Variants in UNC5D observed in about 807,000 individuals in gnomAD.
The protein encoded by UNC5D is netrin receptor UNC5D.
UNC5D carries 39 observed loss-of-function variants against 105.4 expected under a neutral mutation model. That is an observed-to-expected ratio of 0.37 (90% CI 0.29 to 0.48). The LOEUF is 0.48. Ranked by LOEUF, UNC5D falls within the 20% of genes least tolerant of loss-of-function variation. The pLI is 0.98. For synonymous variants in UNC5D, 452 were observed against 450.4 expected, an observed-to-expected ratio of 1.00 and a Z score of -0.04; for missense variants, 991 against 1,202.4, an observed-to-expected ratio of 0.82 and a Z score of 2.60.
chr8:35,456,340 A>G (rs758101260), intron 1 of UNC5D, among the ~76,000 whole-genome samples: 7 of 152,126 alleles, frequency 4.6e-5, no homozygotes, highest in Admixed American at 1.3e-4. Flanking sequence ...AGAATTTCTG[A>G]TAGGTTAGGA....
intron 2 of UNC5D, among the ~76,000 whole-genome samples, chr8:35,563,654 T>C (rs1055459625): frequency 6.6e-6 from 1 of 152,154 alleles, no homozygotes; most frequent in Non-Finnish European, 1.5e-5. Context: ...CAGTACTATG[T>C]TGAATGAAAA....
chr8:35,544,836 C>G (rs1815533988), intron 1 of UNC5D, among the ~76,000 whole-genome samples: 1 of 152,110 alleles, frequency 6.6e-6, no homozygotes, highest in Non-Finnish European at 1.5e-5. Flanking sequence ...CTCCTGACCT[C>G]AGGTGATCTG....
intron 4 of UNC5D, among the ~76,000 whole-genome samples, chr8:35,647,023 TCAAA>T (rs1332830752): frequency 6.6e-6 from 1 of 152,148 alleles, no homozygotes; most frequent in East Asian, 1.9e-4. Context: ...AGCATTGAGT[TCAAA>T]CACTTATTCC....
intron 1 of UNC5D, among the ~76,000 whole-genome samples, chr8:35,455,513 A>T (rs1270762145): frequency 3.9e-5 from 6 of 152,048 alleles, no homozygotes; most frequent in Non-Finnish European, 8.8e-5. Context: ...TCCTGATCTC[A>T]GGTGATCCGT....
At chr8:35,765,630 A>G (rs773176301) in intron 14 of UNC5D, among the ~76,000 whole-genome samples, 3 of 152,172 alleles carry the variant, frequency 2.0e-5, no homozygotes, top group Non-Finnish European at 4.4e-5. Context: ...GAGGCTTTCT[A>G]TAGAGAAAAT....
intron 1 of UNC5D, among the ~76,000 whole-genome samples, chr8:35,398,219 C>T (rs934581031): frequency 2.6e-5 from 4 of 152,160 alleles, no homozygotes; most frequent in Admixed American, 6.5e-5. Flanking sequence ...CAACTGTAAC[C>T]TGGGAATTTC....
intron 1 of UNC5D, among the ~76,000 whole-genome samples, chr8:35,402,520 G>A (rs1038239607): frequency 1.6e-4 from 25 of 152,082 alleles, no homozygotes; most frequent in Non-Finnish European, 3.2e-4. Flanking sequence ...AATTCAAGAG[G>A]AGACTTGGGT....
chr8:35,282,090 G>A (rs1193295636), intron 1 of UNC5D, among the ~76,000 whole-genome samples: 2 of 152,196 alleles, frequency 1.3e-5, no homozygotes, highest in Non-Finnish European at 2.9e-5. Flanking sequence ...GCAATTTGCA[G>A]AAGCAGGAAT....
chr8:35,532,233 G>C lies in UNC5D; in HGVS notation c.104-17059G>C, dbSNP rs1474517739. On this transcript the variant is annotated intron_variant, in intron 1 of 16. Transcript: ENST00000404895. The stretch of plus-strand genomic sequence containing the variant: ...CGCTTCCTTCAGGAGGTCTTTTAGG[G>C]CAGGCCTGGTGGTGACAAAATCTCT... 6.0e-5 allele frequency among the ~76,000 whole-genome samples: 9 copies of C among 150,896 alleles called. No homozygotes were observed. In the South Asian group the frequency reaches 1.9e-3, roughly 32 times the overall value.
chr8:35,545,425 G>GGA (rs34631234), intron 1 of UNC5D, among the ~76,000 whole-genome samples: 22,612 of 151,982 alleles, frequency 0.15, 2,126 homozygotes, highest in Admixed American at 0.25. Context: ...TTGGAGAGGG[G>GGA]GAGAGAGGTG....
intron 1 of UNC5D, among the ~76,000 whole-genome samples, chr8:35,337,669 C>A (rs1330721269): frequency 3.3e-5 from 5 of 152,032 alleles, no homozygotes. Context: ...TTCTCTCAAG[C>A]AAACTCAACT....
At chr8:35,688,118 C>T (rs967303693) in intron 7 of UNC5D, among the ~76,000 whole-genome samples, 4 of 150,880 alleles carry the variant, frequency 2.7e-5, no homozygotes, top group Non-Finnish European at 4.4e-5. Context: ...GGTGACAGAG[C>T]GAGACTCCGC....
At chr8:35,367,988 G>T in intron 1 of UNC5D, among the ~76,000 whole-genome samples, 1 of 152,118 alleles carries the variant, frequency 6.6e-6, no homozygotes, top group East Asian at 1.9e-4. Context: ...TTCTTGTAAA[G>T]TATGCCCATG....
At chr8:35,716,714 G>A (rs1397513178) in intron 8 of UNC5D, among the ~76,000 whole-genome samples, 2 of 152,134 alleles carry the variant, frequency 1.3e-5, no homozygotes, top group Non-Finnish European at 2.9e-5. Context: ...AGATTTTCGA[G>A]GTTGGGAAAT....
chr8:35,324,550 T>C (rs1389846606), intron 1 of UNC5D, among the ~76,000 whole-genome samples: 1 of 152,214 alleles, frequency 6.6e-6, no homozygotes, highest in Non-Finnish European at 1.5e-5. Context: ...ATTGAACAAC[T>C]CTTATGTGCA....
At chr8:35,615,990 C>A (rs775782008) in intron 4 of UNC5D, among the ~76,000 whole-genome samples, 2 of 152,180 alleles carry the variant, frequency 1.3e-5, no homozygotes, top group African/African-American at 4.8e-5. Flanking sequence ...ATACCAATAT[C>A]CCTAATATTG....
intron 1 of UNC5D, among the ~76,000 whole-genome samples, chr8:35,327,124 T>C (rs888836886): frequency 1.3e-5 from 2 of 152,148 alleles, no homozygotes; most frequent in East Asian, 1.9e-4. Context: ...GGCGGAAAGA[T>C]GAACAGCAGG....
intron 1 of UNC5D, among the ~76,000 whole-genome samples, chr8:35,538,765 A>C (rs1328261594): frequency 6.6e-6 from 1 of 152,078 alleles, no homozygotes; most frequent in Admixed American, 6.6e-5. Flanking sequence ...CCAAGTTCTA[A>C]CTTAGGGAAC....
chr8:35,764,839 C>A (rs1801694832), intron 14 of UNC5D, among the ~76,000 whole-genome samples: 1 of 152,122 alleles, frequency 6.6e-6, no homozygotes, highest in Non-Finnish European at 1.5e-5. Flanking sequence ...AGTAGTAGCC[C>A]CTTTCAGGGT....
Sources: allele counts gnomAD v4.1 joint callset (sites outside exome capture counted in the v4.1 genomes callset), GRCh38; gene constraint gnomAD v4.1.1; transcripts MANE v1.5; gene names NCBI Gene and HGNC (gene_info 2026-07-23, HGNC 2026-07-21).